TMCC1: variants seen among roughly 807,000 people sequenced by gnomAD.
TMCC1 encodes transmembrane and coiled-coil domain family 1, also known as transmembrane and coiled-coil domains protein 1.
Under a neutral mutation model 52.4 loss-of-function variants are expected in TMCC1, and 15 were observed. That is an observed-to-expected ratio of 0.29 (90% CI 0.19 to 0.44). The LOEUF (loss-of-function observed/expected upper bound fraction) is 0.44, where lower values mean the gene tolerates loss of function less well. Ranked by LOEUF, TMCC1 falls within the 20% of genes least tolerant of loss-of-function variation. TMCC1 has a pLI of 1.00. For missense variants in TMCC1, 503 were observed against 806.0 expected (o/e 0.62, Z 4.55); for synonymous variants, 279 against 301.9 (o/e 0.92, Z 0.79).
At chr3:129,698,977 A>G (rs1447467495) in intron 4 of TMCC1, among the ~76,000 whole-genome samples, 4 of 152,210 alleles carry the variant, frequency 2.6e-5, no homozygotes, top group Non-Finnish European at 2.9e-5. Context: ...CCAGACTGAG[A>G]AAATCTGTTC....
intron 4 of TMCC1, among the ~76,000 whole-genome samples, chr3:129,808,866 A>G: frequency 6.6e-6 from 1 of 151,296 alleles, no homozygotes; most frequent in East Asian, 1.9e-4. Context: ...ATTTCAGAAT[A>G]AAAAATTAAA....
At chr3:129,692,754 G>T (rs1183091015) in intron 4 of TMCC1, among the ~76,000 whole-genome samples, 1 of 152,192 alleles carries the variant, frequency 6.6e-6, no homozygotes, top group Non-Finnish European at 1.5e-5. Context: ...TAAGGTGTAA[G>T]TCTTTTTGTT....
chr3:129,842,477 A>AACACACACAC (rs61106930), intron 2 of TMCC1, among the ~76,000 whole-genome samples: 3 of 147,650 alleles, frequency 2.0e-5, no homozygotes, highest in African/African-American at 5.0e-5. Flanking sequence ...AAAAAAACAA[A>AACACACACAC]ACACACACAC....
At chr3:129,884,725 T>A (rs989072783) in intron 1 of TMCC1, among the ~76,000 whole-genome samples, 18 of 152,216 alleles carry the variant, frequency 1.2e-4, no homozygotes, top group Non-Finnish European at 1.6e-4. Context: ...AACAGTGGTT[T>A]TCAAAATCTT....
At chr3:129,709,497 A>AAAAAAAAG (rs554837910) in intron 4 of TMCC1, among the ~76,000 whole-genome samples, 1 of 64,032 alleles carries the variant, frequency 1.6e-5, no homozygotes, top group Non-Finnish European at 2.6e-5. Context: ...AAAAAAAAAA[A>AAAAAAAAG]AGAGAGAGAG....
intron 4 of TMCC1, among the ~76,000 whole-genome samples, chr3:129,688,968 T>G (rs2089614543): frequency 6.6e-6 from 1 of 152,172 alleles, no homozygotes; most frequent in Non-Finnish European, 1.5e-5. Context: ...CTTGGTTCAA[T>G]AAATACAAAG....
At chr3:129,787,604 A>G (rs573894221) in intron 4 of TMCC1, among the ~76,000 whole-genome samples, 1 of 152,348 alleles carries the variant, frequency 6.6e-6, no homozygotes, top group African/African-American at 2.4e-5. Flanking sequence ...AAAAAAAAGA[A>G]TATTTCACAT....
Position 129,800,925 on chromosome 3 carries a change from A to ATTTTTTTTTT in TMCC1, c.576+26868_576+26877dup, listed in dbSNP as rs11394617. The stretch of plus-strand genomic sequence containing the variant: ...TTTCCCTCTCTGCACATCTCACACT[A>ATTTTTTTTTT]TTTTTTTTTTTTTTTTTTTTGAGAT... On this transcript the variant is annotated intron_variant, in intron 4 of 6. Coordinates refer to ENST00000393238, the MANE Select transcript of TMCC1 (RefSeq NM_001017395.5). 2.5e-5 allele frequency among the ~76,000 whole-genome samples: 3 copies of ATTTTTTTTTT among 117,960 alleles called. 1 individual carries two copies. The highest frequency in any genetic ancestry group is 5.1e-5 in the Non-Finnish European group (3 of 59,196). 77.4% of individuals were successfully genotyped at this position (117,960 alleles called of 152,430 possible).
At chr3:129,860,196 T>C (rs1395160001) in intron 2 of TMCC1, among the ~76,000 whole-genome samples, 1 of 152,188 alleles carries the variant, frequency 6.6e-6, no homozygotes, top group Non-Finnish European at 1.5e-5. Context: ...AGATGTTTCA[T>C]ACCTCAGTGT....
chr3:129,818,666 G>C (rs953465284), intron 4 of TMCC1, among the ~76,000 whole-genome samples: 3 of 150,406 alleles, frequency 2.0e-5, no homozygotes, highest in African/African-American at 2.4e-5. Flanking sequence ...AACTTTTAAA[G>C]AAAAGTTTTA....
intron 2 of TMCC1, among the ~76,000 whole-genome samples, chr3:129,836,454 C>T (rs970628198): frequency 6.6e-6 from 1 of 152,088 alleles, no homozygotes; most frequent in Non-Finnish European, 1.5e-5. Flanking sequence ...TATGTTGAAC[C>T]CTAAGGCAAG....
chr3:129,657,422 G>A (rs1260229521), intron 5 of TMCC1, among the ~76,000 whole-genome samples: 1 of 152,214 alleles, frequency 6.6e-6, no homozygotes, highest in Non-Finnish European at 1.5e-5. Context: ...TTTTATAGAT[G>A]AGGAAACAGA....
At chr3:129,763,239 T>A (rs1304154096) in intron 4 of TMCC1, among the ~76,000 whole-genome samples, 10 of 141,118 alleles carry the variant, frequency 7.1e-5, no homozygotes, top group African/African-American at 2.1e-4. Context: ...AATAAATAAA[T>A]AAATAAATAA....
chr3:129,692,728 T>C lies in TMCC1; in HGVS notation c.577-21464A>G, dbSNP rs145524706. Among the ~76,000 whole-genome samples the C allele has an allele frequency of 5.9e-3, 892 of 152,298 alleles. 10 individuals are homozygous for C. The highest frequency in any genetic ancestry group is 0.017 in the Middle Eastern group (5 of 294). ...GTGGTTATAACTACACTAGGAACAA[T>C]AGTAACAGAGAAATATAAGGTGTAA... is the stretch of plus-strand genomic sequence containing the variant. On this transcript the variant is annotated intron_variant, in intron 4 of 6. Transcript: ENST00000393238.
At chr3:129,874,497 C>T (rs1466005953) in intron 2 of TMCC1, among the ~76,000 whole-genome samples, 4 of 152,038 alleles carry the variant, frequency 2.6e-5, no homozygotes, top group African/African-American at 7.2e-5. Context: ...TGCTTAAGCC[C>T]AGGAGTTCAA....
intron 4 of TMCC1, among the ~76,000 whole-genome samples, chr3:129,772,956 TA>T (rs1293473133): frequency 6.6e-6 from 1 of 152,142 alleles, no homozygotes; most frequent in Non-Finnish European, 1.5e-5. Context: ...CAAAATAGTA[TA>T]ACCTCTTTCG....
chr3:129,891,494 A>T (rs1269343412), intron 1 of TMCC1, among the ~76,000 whole-genome samples: 1 of 152,220 alleles, frequency 6.6e-6, no homozygotes, highest in Non-Finnish European at 1.5e-5. Context: ...TTTGTACTAA[A>T]ACAGAATTGA....
At chr3:129,840,692 G>T (rs1463713861) in intron 2 of TMCC1, among the ~76,000 whole-genome samples, 1 of 152,168 alleles carries the variant, frequency 6.6e-6, no homozygotes, top group Non-Finnish European at 1.5e-5. Flanking sequence ...TTAAAAGTAT[G>T]TGACAGTTCC....
intron 4 of TMCC1, among the ~76,000 whole-genome samples, chr3:129,738,875 A>G (rs192085223): frequency 1.0e-3 from 152 of 151,898 alleles, no homozygotes; most frequent in African/African-American, 3.4e-3. Flanking sequence ...CTGGAGTGCA[A>G]TGGTGAAATC....
Sources: gnomAD v4.1 joint callset for allele counts (sites outside exome capture counted in the v4.1 genomes callset) on GRCh38, gnomAD v4.1.1 for gene constraint, MANE v1.5 for transcripts, NCBI Gene and HGNC (gene_info 2026-07-23, HGNC 2026-07-21) for gene names.